The following NCBP3 variants were observed in gnomAD, a reference collection of about 807,000 sequenced individuals.
The protein encoded by NCBP3 is nuclear cap-binding protein subunit 3.
In NCBP3, 20 loss-of-function variants were observed where a neutral mutation model predicts 75.7. The observed-to-expected ratio is 0.26, with a 90% CI of 0.19 to 0.38. The LOEUF is 0.38. NCBP3 is among the 10% of genes least tolerant of loss of function. NCBP3 has a pLI of 1.00. For missense variants in NCBP3, 678 were observed against 796.9 expected (o/e 0.85, Z 1.80); for synonymous variants, 293 against 290.5 (o/e 1.01, Z -0.09).
At chr17:3,813,741 GTTGTTT>G (rs796108337) in intron 12 of NCBP3, among the ~76,000 whole-genome samples, 5 of 152,212 alleles carry the variant, frequency 3.3e-5, no homozygotes, top group Non-Finnish European at 5.9e-5. Context: ...GCAATTCAAA[GTTGTTT>G]TTGTTTTTGT....
At chr17:3,839,455 C>T (rs2054028632) in intron 3 of NCBP3, among the ~76,000 whole-genome samples, 1 of 152,114 alleles carries the variant, frequency 6.6e-6, no homozygotes, top group Non-Finnish European at 1.5e-5. Context: ...TCAAGCGATT[C>T]TCACGCCTCA....
At chr17:3,826,429 T>C (rs1490496075) in intron 4 of NCBP3, among the ~76,000 whole-genome samples, 9 of 152,016 alleles carry the variant, frequency 5.9e-5, no homozygotes, top group Admixed American at 5.9e-4. Context: ...GGAGACTCGC[T>C]TGGAGTGAGA....
In NCBP3 at chr17:3,809,824, A is replaced by C. The variant is rs547838026; in HGVS notation, c.*3220T>G. The stretch of plus-strand genomic sequence containing the variant: ...TGGCATACCCATAAAATGGACTATT[A>C]TTTGGCAATTTTAAAAAATGAAATA... On this transcript the variant is annotated 3_prime_UTR_variant, in exon 13 of 13. Coordinates refer to ENST00000389005, the MANE Select transcript of NCBP3 (RefSeq NM_001114118.3). 6.6e-6 allele frequency: 1 copy of C among 152,380 alleles called. No individual in the cohort carries two copies. The highest frequency in any genetic ancestry group is 2.1e-4 in the South Asian group (1 of 4,832). The allele number at this position is 152,380 out of a possible 1,614,324, so 9.4% of individuals were successfully genotyped here.
chr17:3,816,033 T>C (rs1021653654), intron 11 of NCBP3, 83 bp downstream of exon 11: 10 of 1,364,300 alleles, frequency 7.3e-6, no homozygotes, highest in Admixed American at 6.7e-5. Flanking sequence ...ACACATCGCA[T>C]GTTTTACTCA....
chr17:3,821,121 GT>G, intron 9 of NCBP3, 127 bp downstream of exon 9: 1 of 576,362 alleles, frequency 1.7e-6, no homozygotes, highest in Non-Finnish European at 3.1e-6. Context: ...TTTCCTATAT[GT>G]TGGCAGAGGG....
intron 2 of NCBP3, among the ~76,000 whole-genome samples, chr17:3,842,862 C>G (rs1202642615): frequency 6.6e-6 from 1 of 151,960 alleles, no homozygotes; most frequent in Non-Finnish European, 1.5e-5. Context: ...CCAGGCTGGT[C>G]TCGAACTCCT....
rs1001475894 is a variant in NCBP3, at chr17:3,810,512, T to C, written c.*2532A>G. The C allele has an allele frequency of 7.3e-5, 11 of 151,608 alleles. No homozygotes were observed. The highest frequency in any genetic ancestry group is 2.0e-4 in the Admixed American group (3 of 15,222). The allele number at this position is 151,608 out of a possible 1,614,324, so 9.4% of individuals were successfully genotyped here. On this transcript the variant is annotated 3_prime_UTR_variant, in exon 13 of 13. Coordinates refer to ENST00000389005, the MANE Select transcript of NCBP3 (RefSeq NM_001114118.3). ...GCCCTGTGCCCACATGTGTGGGGAG[T>C]GTCCAGGGTAAAATCACGCCCAGCT...
chr17:3,844,763 T>C (rs1016267083), intron 1 of NCBP3, among the ~76,000 whole-genome samples: 2 of 151,758 alleles, frequency 1.3e-5, no homozygotes, highest in Non-Finnish European at 2.9e-5. Flanking sequence ...GGCAGAAGAG[T>C]AGCTTGAACC....
chr17:3,823,084 C>T lies in NCBP3; in HGVS notation c.797-1032G>A, dbSNP rs547380472. Among the ~76,000 whole-genome samples the T allele has an allele frequency of 4.6e-5, 7 of 152,238 alleles. No homozygotes were observed. In the South Asian group the frequency reaches 8.3e-4, roughly 18 times the overall value. ...ATCCCAGTACTTTGGGAGGCTGAGGCGGGCGGATCACAAGGTCAAGAGATC... is the reference window on the plus strand; with the variant it reads ...ATCCCAGTACTTTGGGAGGCTGAGGTGGGCGGATCACAAGGTCAAGAGATC... On this transcript the variant is annotated intron_variant, in intron 7 of 12. Coordinates refer to ENST00000389005, the MANE Select transcript of NCBP3 (RefSeq NM_001114118.3).
intron 10 of NCBP3, among the ~76,000 whole-genome samples, chr17:3,816,711 G>A (rs927930337): frequency 2.6e-5 from 4 of 152,164 alleles, no homozygotes; most frequent in Admixed American, 2.0e-4. Flanking sequence ...GCACCGTTCC[G>A]GCAGCATTCT....
intron 3 of NCBP3, among the ~76,000 whole-genome samples, chr17:3,839,386 C>T (rs1195015149): frequency 2.0e-5 from 3 of 151,988 alleles, no homozygotes; most frequent in African/African-American, 7.3e-5. Context: ...CTCGCTCTGT[C>T]GCCCAGGCTG....
At chr17:3,841,160 A>G (rs1055361558) in intron 2 of NCBP3, among the ~76,000 whole-genome samples, 2 of 152,118 alleles carry the variant, frequency 1.3e-5, no homozygotes, top group East Asian at 3.9e-4. Flanking sequence ...TATTTTTAGT[A>G]GAGACGGGGT....
intron 2 of NCBP3, among the ~76,000 whole-genome samples, chr17:3,840,986 TTTTG>T (rs1422441882): frequency 1.3e-5 from 2 of 151,686 alleles, no homozygotes; most frequent in African/African-American, 4.8e-5. Context: ...CACTAATTGG[TTTTG>T]TTTGTTTTTG....
At position 3,812,610 on chromosome 17, in the gene NCBP3, G is replaced by A. The variant is rs1391868795; in HGVS notation, c.*434C>T. The A allele has an allele frequency of 9.8e-7, 1 of 1,018,552 alleles. No homozygotes were observed. Among genetic ancestry groups the A allele is most frequent in the Non-Finnish European group, 1.2e-6 (1 of 849,862 alleles). 63.1% of individuals were successfully genotyped at this position (1,018,552 alleles called of 1,614,324 possible). On this transcript the variant is annotated 3_prime_UTR_variant, in exon 13 of 13. Coordinates refer to ENST00000389005, the MANE Select transcript of NCBP3 (RefSeq NM_001114118.3). ...TTCCCCCTCGAAGGATGTCCAATAA[G>A]CACCTGGGAATTGACTTTTCTTGGG...
intron 9 of NCBP3, among the ~76,000 whole-genome samples, chr17:3,820,277 A>G (rs2053637278): frequency 6.6e-6 from 1 of 151,352 alleles, no homozygotes; most frequent in Admixed American, 6.6e-5. Flanking sequence ...TGTAGATCTC[A>G]AATATACAAT....
chr17:3,846,225 G>A lies in NCBP3; in HGVS notation c.-2C>T, dbSNP rs2054163228. 1 of 1,425,034 alleles carries A rather than the reference G, an allele frequency of 7.0e-7. No individual in the cohort carries two copies. Among genetic ancestry groups the A allele is most frequent in the Non-Finnish European group, 9.1e-7 (1 of 1,096,838 alleles). 88.3% of individuals were successfully genotyped at this position (1,425,034 alleles called of 1,614,324 possible). A position where few individuals can be genotyped will look rare whatever the true frequency, so the allele number is the denominator to read the frequency against. On this transcript the variant is annotated 5_prime_UTR_variant, in exon 1 of 13. Transcript: ENST00000389005. This position sits in a 1 kb window ranked among gnomAD's most constrained non-coding sequence, Gnocchi z 4.6. Reference sequence around the variant, plus strand: ...CCGCAGGCCCCGTACGGCCGCCATCGCTGCCTGCCGGCCGCACCACTGAGA... The same window carrying A: ...CCGCAGGCCCCGTACGGCCGCCATCACTGCCTGCCGGCCGCACCACTGAGA...
At chr17:3,821,463 C>T (rs2053664017) in intron 8 of NCBP3, 111 bp from the exon 9 acceptor site, 1 of 829,880 alleles carries the variant, frequency 1.2e-6, no homozygotes. Context: ...CAATCTCTCT[C>T]CCAGGCTGAA....
chr17:3,829,750 G>A (rs2053845964), intron 3 of NCBP3, among the ~76,000 whole-genome samples: 1 of 152,206 alleles, frequency 6.6e-6, no homozygotes, highest in Admixed American at 6.5e-5. Flanking sequence ...ACGCGCAGTA[G>A]TGGAGACAAT....
In NCBP3 at chr17:3,806,626, C is replaced by T. The variant is rs558888061; in HGVS notation, c.*6418G>A. On this transcript the variant is annotated 3_prime_UTR_variant, in exon 13 of 13. Coordinates refer to ENST00000389005, the MANE Select transcript of NCBP3 (RefSeq NM_001114118.3). ...AGTGCAGCCAAATTCCACTCGGATG[C>T]CTCACAACTACTTAAAATTGGCTTT... The T allele has an allele frequency of 2.0e-5, 3 of 151,524 alleles. No individual in the cohort carries two copies. In the South Asian group the frequency reaches 6.3e-4, roughly 32 times the overall value. The allele number at this position is 151,524 out of a possible 1,614,324, so 9.4% of individuals were successfully genotyped here.
Sources: gnomAD v4.1 joint callset for allele counts (sites outside exome capture counted in the v4.1 genomes callset) on GRCh38, gnomAD v4.1.1 for gene constraint, Gnocchi (gnomAD v3.1) non-coding constraint, MANE v1.5 for transcripts, NCBI Gene and HGNC (gene_info 2026-07-23, HGNC 2026-07-21) for gene names.